Variants in NUF2 observed in about 807,000 individuals in gnomAD.
The protein encoded by NUF2 is kinetochore protein Nuf2.
Under a neutral mutation model 61.8 loss-of-function variants are expected in NUF2, and 34 were observed. That is an observed-to-expected ratio of 0.55 (90% CI 0.42 to 0.73). The LOEUF (loss-of-function observed/expected upper bound fraction) is 0.73. Ranked by LOEUF, NUF2 falls within the 30% of genes least tolerant of loss-of-function variation. NUF2 has a pLI of 0.00. For synonymous variants in NUF2, 172 were observed against 181.6 expected (o/e 0.95, Z 0.42); for missense variants, 445 against 539.1 (o/e 0.83, Z 1.73).
At position 163,322,597 on chromosome 1, in the gene NUF2, C is replaced by A. The variant is rs1328413806; in HGVS notation, c.-21+385C>A. ...TTTTAAAAGTTCAAGGAACGTTTTA[C>A]TTAATTCATTGAAGTTGGGAGCCAT... On this transcript the variant is annotated intron_variant, in intron 1 of 13. Transcript: ENST00000271452. Among the ~76,000 whole-genome samples the A allele has an allele frequency of 2.0e-5, 3 of 152,214 alleles. No homozygotes were observed. The East Asian group carries it at 5.8e-4, about 29-fold the overall frequency.
intron 2 of NUF2, among the ~76,000 whole-genome samples, chr1:163,327,099 C>CTTTAAA (rs56803466): frequency 0.016 from 2,399 of 147,790 alleles, 63 homozygotes; most frequent in African/African-American, 0.047. Context: ...TTCCTGTGTT[C>CTTTAAA]ACACACACAC....
chr1:163,334,621 T>A (rs1650697176), intron 5 of NUF2, among the ~76,000 whole-genome samples: 2 of 152,018 alleles, frequency 1.3e-5, no homozygotes, highest in East Asian at 1.9e-4. Context: ...ACAAAAAAAA[T>A]GTTAAAAATG....
At chr1:163,339,301 T>G (rs1650861804) in intron 7 of NUF2, 80 bp from the exon 8 acceptor site, 1 of 789,764 alleles carries the variant, frequency 1.3e-6, no homozygotes, top group Non-Finnish European at 2.1e-6. Context: ...TTTCTTCATC[T>G]CAGTTATTTG....
chr1:163,337,236 G>A (rs1298116976), intron 6 of NUF2, among the ~76,000 whole-genome samples: 1 of 152,000 alleles, frequency 6.6e-6, no homozygotes, highest in African/African-American at 2.4e-5. Context: ...TTAAATAATG[G>A]CATAATTGGA....
chr1:163,324,181 G>C (rs2101662650), intron 1 of NUF2, among the ~76,000 whole-genome samples: 1 of 152,304 alleles, frequency 6.6e-6, no homozygotes, highest in South Asian at 2.1e-4. Context: ...CTTTAAAGAA[G>C]GGAGGGCTTA....
intron 13 of NUF2, among the ~76,000 whole-genome samples, chr1:163,353,784 A>G (rs1486296029): frequency 2.0e-5 from 3 of 152,098 alleles, no homozygotes; most frequent in Non-Finnish European, 4.4e-5. Context: ...TAGAACTTCA[A>G]ATGTTTTTGT....
intron 5 of NUF2, among the ~76,000 whole-genome samples, chr1:163,334,763 AGT>A (rs1650701485): frequency 6.6e-6 from 1 of 152,158 alleles, no homozygotes. Flanking sequence ...TGAGCAACAG[AGT>A]GAGACCTGCT....
chr1:163,342,849 TTTG>T (rs1650992190), intron 9 of NUF2, among the ~76,000 whole-genome samples: 1 of 152,182 alleles, frequency 6.6e-6, no homozygotes, highest in African/African-American at 2.4e-5. Context: ...GTGTCACTGT[TTTG>T]TTGTTCTGTT....
chr1:163,345,661 T>C lies in NUF2; in HGVS notation c.808-17T>C. On this transcript the variant is annotated splice_polypyrimidine_tract_variant and intron_variant, in intron 10 of 13. Transcript: ENST00000271452. ...GAAGAATATCAAACTGTGGTCTCTGTTTTTTGTCTTTCAAAGCAAGAAGTG... is the reference window on the plus strand; with the variant it reads ...GAAGAATATCAAACTGTGGTCTCTGCTTTTTGTCTTTCAAAGCAAGAAGTG... The C allele has an allele frequency of 6.3e-7, 1 of 1,599,708 alleles. No homozygotes were observed.
intron 13 of NUF2, among the ~76,000 whole-genome samples, chr1:163,353,073 T>A (rs950444811): frequency 3.3e-5 from 5 of 152,228 alleles, no homozygotes; most frequent in Non-Finnish European, 7.4e-5. Context: ...TATTTACATT[T>A]AAATTAATTA....
At chr1:163,339,332 G>T in intron 7 of NUF2, 49 bp from the exon 8 acceptor site, 1 of 1,115,812 alleles carries the variant, frequency 9.0e-7, no homozygotes. Flanking sequence ...TTTCATTTTA[G>T]CCTTTCAAAA....
intron 13 of NUF2, among the ~76,000 whole-genome samples, chr1:163,350,610 G>A (rs966751285): frequency 6.6e-6 from 1 of 152,106 alleles, no homozygotes; most frequent in Non-Finnish European, 1.5e-5. Flanking sequence ...GCCTAGAATG[G>A]TGCCTTATGT....
Position 163,345,771 on chromosome 1 carries a change from C to A in NUF2, c.901C>A (p.Gln301Lys), listed in dbSNP as rs1464409930. 6.2e-7 allele frequency: 1 copy of A among 1,609,030 alleles called. No homozygotes were observed. The highest frequency in any genetic ancestry group is 1.7e-5 in the Admixed American group (1 of 59,812). ...LEVQLYQKKIQDLSDNREKLA... is the reference protein window; with the variant it reads ...LEVQLYQKKIKDLSDNREKLA... ...AGTGCAGTTATATCAAAAGAAAATA[C>A]AGGACCTTTCAGATAATAGGGAAAA... Residue 301 changes from glutamine (Q) to lysine (K), a missense_variant, in exon 11 of 14, where the codon CAG becomes AAG. Coordinates refer to ENST00000271452, the MANE Select transcript of NUF2 (RefSeq NM_145697.3).
intron 5 of NUF2, among the ~76,000 whole-genome samples, chr1:163,335,169 G>T (rs1650716141): frequency 6.6e-6 from 1 of 152,064 alleles, no homozygotes; most frequent in Non-Finnish European, 1.5e-5. Context: ...GGCCAGGATG[G>T]TCTCAATCTC....
chr1:163,325,957 C>A, intron 1 of NUF2, 75 bp from the exon 2 acceptor site: 1 of 1,152,390 alleles, frequency 8.7e-7, no homozygotes, highest in South Asian at 1.5e-5. Context: ...CTCATTTTGT[C>A]ATTATGTTTA....
chr1:163,331,885 C>CCTTTTTTTTT (rs1650609520), intron 5 of NUF2, among the ~76,000 whole-genome samples: 1 of 151,694 alleles, frequency 6.6e-6, no homozygotes, highest in Admixed American at 6.6e-5. Flanking sequence ...TTTTTCCTAA[C>CCTTTTTTTTT]CAGTCTGGTT....
At chr1:163,348,388 G>A (rs1056267808) in intron 12 of NUF2, among the ~76,000 whole-genome samples, 8 of 152,062 alleles carry the variant, frequency 5.3e-5, no homozygotes, top group Middle Eastern at 3.2e-3. Context: ...GTACGTTAGG[G>A]TACTTTATTG....
At chr1:163,343,682 G>T (rs1171236823) in intron 9 of NUF2, 51 bp from the exon 10 acceptor site, 3 of 901,958 alleles carry the variant, frequency 3.3e-6, no homozygotes, top group Non-Finnish European at 3.1e-6. Flanking sequence ...TACTAGAATG[G>T]TAAATCACCA....
chr1:163,339,666 T>C (rs1157927725), intron 8 of NUF2, among the ~76,000 whole-genome samples, 189 bp downstream of exon 8: 1 of 152,124 alleles, frequency 6.6e-6, no homozygotes, highest in African/African-American at 2.4e-5. Context: ...TGATGGTTTT[T>C]GTTGGCAAAG....
Sources: allele counts gnomAD v4.1 joint callset (sites outside exome capture counted in the v4.1 genomes callset), GRCh38; gene constraint gnomAD v4.1.1; transcripts MANE v1.5; gene names NCBI Gene and HGNC (gene_info 2026-07-23, HGNC 2026-07-21).